AHSG: variants seen among roughly 807,000 people sequenced by gnomAD.
The protein encoded by AHSG is alpha-2-HS-glycoprotein.
AHSG carries 23 observed loss-of-function variants against 30.1 expected under a neutral mutation model. The observed-to-expected ratio is 0.76, with a 90% CI of 0.55 to 1.08. AHSG has a LOEUF of 1.08. Among genes scored for constraint, AHSG ranks in the 50% least tolerant of loss-of-function variants. The pLI is 0.00. For synonymous variants in AHSG, 164 were observed against 186.3 expected (o/e 0.88, Z 0.98); for missense variants, 469 against 459.5 (o/e 1.02, Z -0.19).
rs760243126 is a variant in AHSG at position 186,621,023 on chromosome 3, G to A, written c.*93G>A. On this transcript the variant is annotated 3_prime_UTR_variant, in exon 7 of 7. Transcript: ENST00000411641. The stretch of plus-strand genomic sequence containing the variant: ...CATGGGTGGGGGGCCTTGTCTGCTG[G>A]CCACGCAAGTGTCACATGCGATCTA... 1 of 1,252,846 alleles carries A rather than the reference G, an allele frequency of 8.0e-7. No homozygotes were observed. The highest frequency in any genetic ancestry group is 1.1e-6 in the Non-Finnish European group (1 of 898,178). 77.6% of individuals were successfully genotyped at this position (1,252,846 alleles called of 1,614,324 possible). A position where few individuals can be genotyped will look rare whatever the true frequency, so the allele number is the denominator to read the frequency against.
chr3:186,616,582 G>A, intron 3 of AHSG, 55 bp downstream of exon 3: 2 of 1,423,268 alleles, frequency 1.4e-6, no homozygotes, highest in South Asian at 1.2e-5. Context: ...GTGGGGAAGG[G>A]ATCTGAATAA....
chr3:186,615,070 T>C (rs540269254), intron 1 of AHSG, among the ~76,000 whole-genome samples: 80 of 152,040 alleles, frequency 5.3e-4, no homozygotes, highest in Non-Finnish European at 7.9e-4. Context: ...CATCGTTGCA[T>C]GCCGGCACCT....
In AHSG at chr3:186,621,026, A is replaced by C; in HGVS notation, c.*96A>C. ...GGGTGGGGGGCCTTGTCTGCTGGCC[A>C]CGCAAGTGTCACATGCGATCTACAT... On this transcript the variant is annotated 3_prime_UTR_variant, in exon 7 of 7. Coordinates refer to ENST00000411641, the MANE Select transcript of AHSG (RefSeq NM_001622.4). 8.3e-7 allele frequency: 1 copy of C among 1,202,378 alleles called. No individual in the cohort carries two copies. The highest frequency in any genetic ancestry group is 1.2e-6 in the Non-Finnish European group (1 of 853,872). 74.5% of individuals were successfully genotyped at this position (1,202,378 alleles called of 1,614,324 possible). A position where few individuals can be genotyped will look rare whatever the true frequency, so the allele number is the denominator to read the frequency against.
At chr3:186,615,080 T>C (rs953417648) in intron 1 of AHSG, among the ~76,000 whole-genome samples, 1 of 151,890 alleles carries the variant, frequency 6.6e-6, no homozygotes, top group Non-Finnish European at 1.5e-5. Context: ...TGCCGGCACC[T>C]GCTGCACAAG....
chr3:186,618,642 G>A lies in AHSG; in HGVS notation c.675+5G>A, dbSNP rs370580731. On this transcript the variant is annotated splice_donor_5th_base_variant and intron_variant, in intron 5 of 6. Coordinates refer to ENST00000411641, the MANE Select transcript of AHSG (RefSeq NM_001622.4). ...TGTAACCTGCTGGCAGAAAAGGTGA[G>A]TGGGCCGGGACCTTGGGGTGTTACC... is the stretch of plus-strand genomic sequence containing the variant. 4 of 1,613,714 alleles carry A rather than the reference G, an allele frequency of 2.5e-6. No individual in the cohort carries two copies. Among genetic ancestry groups the A allele is most frequent in the Non-Finnish European group, 3.4e-6 (4 of 1,179,800 alleles).
At chr3:186,616,585 C>G in intron 3 of AHSG, 58 bp downstream of exon 3, 1 of 1,408,966 alleles carries the variant, frequency 7.1e-7, no homozygotes, top group South Asian at 1.2e-5. Flanking sequence ...GGGAAGGGAT[C>G]TGAATAATTT....
intron 6 of AHSG, 55 bp from the exon 7 acceptor site, chr3:186,620,531 T>G (rs1053397708): frequency 2.5e-5 from 37 of 1,480,986 alleles, no homozygotes; most frequent in Non-Finnish European, 3.1e-5. Flanking sequence ...GCCTGTGGGT[T>G]GTCTTGCCTG....
rs377709406 is a variant in AHSG, at chr3:186,618,512, A to C, written c.574-24A>C. 5 of 1,607,396 alleles carry C rather than the reference A, an allele frequency of 3.1e-6. No homozygotes were observed. The African/African-American group carries it at 4.0e-5, about 13-fold the overall frequency. On this transcript the variant is annotated intron_variant, in intron 4 of 6. Coordinates refer to ENST00000411641, the MANE Select transcript of AHSG (RefSeq NM_001622.4). ...TCATTGTAAGTCATCTTTCCTCAAG[A>C]GCATTTTCATGTACTCTTCTCAGCC... is the stretch of plus-strand genomic sequence containing the variant.
In AHSG at chr3:186,621,011, C is replaced by T. The variant is rs1560012067; in HGVS notation, c.*81C>T. On this transcript the variant is annotated 3_prime_UTR_variant, in exon 7 of 7. Transcript: ENST00000411641. The stretch of plus-strand genomic sequence containing the variant: ...TCCAAGCCTGGGCATGGGTGGGGGG[C>T]CTTGTCTGCTGGCCACGCAAGTGTC... The T allele has an allele frequency of 1.4e-6, 2 of 1,397,464 alleles. No homozygotes were observed. Among genetic ancestry groups the T allele is most frequent in the Non-Finnish European group, 9.8e-7 (1 of 1,020,894 alleles). 86.6% of individuals were successfully genotyped at this position (1,397,464 alleles called of 1,614,324 possible). A position where few individuals can be genotyped will look rare whatever the true frequency, so the allele number is the denominator to read the frequency against.
intron 1 of AHSG, among the ~76,000 whole-genome samples, chr3:186,613,975 G>T (rs1338211503): frequency 1.3e-5 from 2 of 151,538 alleles, no homozygotes; most frequent in African/African-American, 4.9e-5. Flanking sequence ...AAGTCTTCAG[G>T]CTGGGATTTG....
In AHSG at chr3:186,620,797, T is replaced by C; in HGVS notation, c.971T>C (p.Val324Ala). 6 of 1,614,122 alleles carry C rather than the reference T, an allele frequency of 3.7e-6. No homozygotes were observed. The highest frequency in any genetic ancestry group is 5.1e-6 in the Non-Finnish European group (6 of 1,180,020). The change falls in exon 7 of 7, where the codon GTC (valine) becomes GCC (alanine). Residue 324 changes from valine to alanine, a missense_variant. By Grantham distance (64) the Val-to-Ala change is moderately conservative (BLOSUM62 0). Coordinates refer to ENST00000411641, the MANE Select transcript of AHSG (RefSeq NM_001622.4). ...YDLRHTFMGVVSLGSPSGEVS... is the reference protein window; with the variant it reads ...YDLRHTFMGVASLGSPSGEVS... Reference sequence around the variant, plus strand: ...CTGCGCCACACCTTCATGGGTGTGGTCTCATTGGGGTCACCCTCAGGAGAA... The same window carrying C: ...CTGCGCCACACCTTCATGGGTGTGGCCTCATTGGGGTCACCCTCAGGAGAA...
chr3:186,619,804 G>T (rs956371288), intron 5 of AHSG, 53 bp from the exon 6 acceptor site: 4 of 1,454,442 alleles, frequency 2.8e-6, no homozygotes, highest in Non-Finnish European at 9.5e-7. Context: ...ATGAAATTGG[G>T]GGGGATCCAT....
chr3:186,614,511 A>G (rs1716237141), intron 1 of AHSG, among the ~76,000 whole-genome samples: 1 of 152,192 alleles, frequency 6.6e-6, no homozygotes. Context: ...TGAAATCAGG[A>G]TTGCTCCGGA....
At chr3:186,618,395 C>T in intron 4 of AHSG, 141 bp from the exon 5 acceptor site, 1 of 1,370,362 alleles carries the variant, frequency 7.3e-7, no homozygotes, top group South Asian at 1.5e-5. Flanking sequence ...CTATGTAAGC[C>T]ATTGAGGGAC....
chr3:186,614,341 C>T (rs1049567176), intron 1 of AHSG, among the ~76,000 whole-genome samples: 1 of 152,144 alleles, frequency 6.6e-6, no homozygotes, highest in Non-Finnish European at 1.5e-5. Flanking sequence ...TCAAAAGCAA[C>T]CAAATATTGG....
rs752791757 is a variant in AHSG at position 186,613,175 on chromosome 3, C to T, written c.34C>T (p.Gln12Ter). Residue 12 changes from glutamine to a stop codon, truncating the protein, a stop_gained, in exon 1 of 7, where the codon CAG becomes TAG. Coordinates refer to ENST00000411641, the MANE Select transcript of AHSG (RefSeq NM_001622.4). LOFTEE classifies it high-confidence loss of function. The part of the protein sequence containing the change: ...KSLVLLLCLA[Q>*]LWGCHSAPHG... Reference sequence around the variant, plus strand: ...CCTCGTCCTGCTCCTTTGTCTTGCTCAGCTCTGGGGCTGCCACTCAGCCCC... The same window carrying T: ...CCTCGTCCTGCTCCTTTGTCTTGCTTAGCTCTGGGGCTGCCACTCAGCCCC... 1.2e-6 allele frequency: 2 copies of T among 1,613,934 alleles called. No individual in the cohort carries two copies. Among genetic ancestry groups the T allele is most frequent in the Admixed American group, 1.7e-5 (1 of 59,982 alleles).
intron 2 of AHSG, 62 bp downstream of exon 2, chr3:186,615,857 G>A (rs370988431): frequency 6.8e-7 from 1 of 1,460,650 alleles, no homozygotes; most frequent in Non-Finnish European, 9.6e-7. Context: ...GATTCACCCA[G>A]CGTCTCAGCC....
At chr3:186,620,337 G>A (rs1442098916) in intron 6 of AHSG, among the ~76,000 whole-genome samples, 1 of 152,110 alleles carries the variant, frequency 6.6e-6, no homozygotes, top group Non-Finnish European at 1.5e-5. Flanking sequence ...TTTACTCATT[G>A]GACATATGCG....
rs1716420917 is a variant in AHSG at position 186,619,803 on chromosome 3, G to A, written c.676-54G>A. On this transcript the variant is annotated intron_variant, in intron 5 of 6. Transcript: ENST00000411641. ...TAAGGTTGGCGCGTCAATGAAATTG[G>A]GGGGGATCCATTTTTGAAATTAGTT... 7 of 1,447,896 alleles carry A rather than the reference G, an allele frequency of 4.8e-6. No homozygotes were observed. In the Admixed American group the frequency reaches 1.0e-4, roughly 21 times the overall value. The allele number at this position is 1,447,896 out of a possible 1,614,324, so 89.7% of individuals were successfully genotyped here.
Sources: gnomAD v4.1 joint callset for allele counts (sites outside exome capture counted in the v4.1 genomes callset) on GRCh38, gnomAD v4.1.1 for gene constraint, MANE v1.5 for transcripts, NCBI Gene and HGNC (gene_info 2026-07-23, HGNC 2026-07-21) for gene names.